CCDC88A: variants seen among roughly 807,000 people sequenced by gnomAD.
The protein encoded by CCDC88A is girdin.
Under a neutral mutation model 234.3 loss-of-function variants are expected in CCDC88A, and 54 were observed. The observed-to-expected ratio is 0.23, with a 90% CI of 0.19 to 0.29. The LOEUF (loss-of-function observed/expected upper bound fraction) is 0.29. Among genes scored for constraint, CCDC88A ranks in the 10% least tolerant of loss-of-function variants. The probability of loss-of-function intolerance (pLI) is 1.00; values close to 1 mark genes in which losing one functional copy is unlikely to be tolerated. For missense variants in CCDC88A, 1,832 were observed against 2,123.4 expected (o/e 0.86, Z 2.70); for synonymous variants, 753 against 737.8 (o/e 1.02, Z -0.33).
chr2:55,419,260 A>T lies in CCDC88A; in HGVS notation c.-181T>A. The T allele has an allele frequency of 1.7e-6, 1 of 576,048 alleles. No individual in the cohort carries two copies. Among genetic ancestry groups the T allele is most frequent in the Admixed American group, 3.1e-5 (1 of 31,962 alleles). The allele number at this position is 576,048 out of a possible 1,614,324, so 35.7% of individuals were successfully genotyped here. ...AAACACCCCAGAGTGAAACGAGCCG[A>T]AATCCCAAGAAGTGGCTTCGACGAC... On this transcript the variant is annotated 5_prime_UTR_variant, in exon 1 of 33. Coordinates refer to ENST00000436346, the MANE Select transcript of CCDC88A (RefSeq NM_001365480.1).
Position 55,343,636 on chromosome 2 carries a change from A to T in CCDC88A, c.1333+12T>A, listed in dbSNP as rs749312461. On this transcript the variant is annotated intron_variant, in intron 12 of 32. Transcript: ENST00000436346. ...TTCGATTATCTATTTAAATTAAAAA[A>T]ATTGGGAATACCTTCGGAAAGTTCA... 2.5e-6 allele frequency: 4 copies of T among 1,580,812 alleles called. No homozygotes were observed. Among genetic ancestry groups the T allele is most frequent in the Non-Finnish European group, 3.4e-6 (4 of 1,167,298 alleles).
chr2:55,386,416 A>G (rs1411769302), intron 3 of CCDC88A, among the ~76,000 whole-genome samples: 1 of 127,088 alleles, frequency 7.9e-6, no homozygotes, highest in East Asian at 2.1e-4. Flanking sequence ...CCTGGGCAAC[A>G]TAGTGAGACT....
chr2:55,385,943 G>T (rs1193342257), intron 3 of CCDC88A, among the ~76,000 whole-genome samples: 1 of 150,852 alleles, frequency 6.6e-6, no homozygotes, highest in African/African-American at 2.4e-5. Flanking sequence ...ATCCAGAGAG[G>T]CCAGGCATGG....
chr2:55,408,369 T>C (rs11125568), intron 2 of CCDC88A, among the ~76,000 whole-genome samples: 123,864 of 152,096 alleles, frequency 0.81, 51,401 homozygotes, highest in Admixed American at 0.91. Context: ...AATAAAGCTA[T>C]GACTTGCTGA....
chr2:55,351,362 A>G (rs7560051), intron 8 of CCDC88A, among the ~76,000 whole-genome samples: 150,510 of 152,092 alleles, frequency 0.99, 74,475 homozygotes, highest in East Asian at 1. Context: ...TTTTTCCTCC[A>G]TTTGAGACAG....
At chr2:55,301,403 T>C (rs1351977824) in intron 27 of CCDC88A, 126 bp from the exon 28 acceptor site, 3 of 557,828 alleles carry the variant, frequency 5.4e-6, no homozygotes, top group African/African-American at 2.0e-5. Context: ...TTAACATATT[T>C]CATAGACTCA....
At chr2:55,324,727 C>T (rs191245919) in intron 17 of CCDC88A, among the ~76,000 whole-genome samples, 1 of 152,130 alleles carries the variant, frequency 6.6e-6, no homozygotes, top group East Asian at 1.9e-4. Flanking sequence ...TTCACCACAA[C>T]CTCCACCTCC....
intron 2 of CCDC88A, among the ~76,000 whole-genome samples, chr2:55,393,922 G>GA: frequency 6.6e-6 from 1 of 152,212 alleles, no homozygotes; most frequent in South Asian, 2.1e-4. Context: ...TTCAATGTCT[G>GA]AATGGGTGCT....
intron 5 of CCDC88A, among the ~76,000 whole-genome samples, chr2:55,368,778 T>A (rs1362663184): frequency 6.6e-6 from 1 of 152,210 alleles, no homozygotes; most frequent in East Asian, 1.9e-4. Context: ...AACATGCTAT[T>A]TACATATTAG....
rs1285684832 is a variant in CCDC88A, at chr2:55,287,949, T to A, written c.*3251A>T. ...GAGAAACAAAATGAAAAATGTTTTTTAAAAAACAAACAGTGGTATCTCTTG... is the reference window on the plus strand; with the variant it reads ...GAGAAACAAAATGAAAAATGTTTTTAAAAAAACAAACAGTGGTATCTCTTG... On this transcript the variant is annotated 3_prime_UTR_variant, in exon 33 of 33. Coordinates refer to ENST00000436346, the MANE Select transcript of CCDC88A (RefSeq NM_001365480.1). 1 of 152,612 alleles carries A rather than the reference T, an allele frequency of 6.6e-6. No homozygotes were observed. The highest frequency in any genetic ancestry group is 2.4e-5 in the African/African-American group (1 of 41,456). The allele number at this position is 152,612 out of a possible 1,614,324, so 9.5% of individuals were successfully genotyped here. A position where few individuals can be genotyped will look rare whatever the true frequency, so the allele number is the denominator to read the frequency against.
chr2:55,373,491 T>C (rs1011877864), intron 4 of CCDC88A, among the ~76,000 whole-genome samples: 1 of 152,188 alleles, frequency 6.6e-6, no homozygotes, highest in Non-Finnish European at 1.5e-5. Context: ...GAATAATTAA[T>C]GGCTCCAAAT....
intron 3 of CCDC88A, among the ~76,000 whole-genome samples, chr2:55,375,310 T>G (rs567875157): frequency 1.1e-4 from 17 of 151,994 alleles, no homozygotes; most frequent in African/African-American, 4.1e-4. Flanking sequence ...ATCTGAAGTT[T>G]TAGGTGCTAG....
chr2:55,418,095 A>C (rs1681771966), intron 2 of CCDC88A: 1 of 152,152 alleles, frequency 6.6e-6, no homozygotes, highest in African/African-American at 2.4e-5. Flanking sequence ...TCCCATCTCA[A>C]AAGCATACTT....
intron 7 of CCDC88A, among the ~76,000 whole-genome samples, chr2:55,358,262 C>A (rs1040429268): frequency 1.3e-5 from 2 of 152,176 alleles, no homozygotes; most frequent in Admixed American, 1.3e-4. Flanking sequence ...AAAACTTAGG[C>A]TCATATGGAT....
chr2:55,396,215 T>C (rs2104923185), intron 2 of CCDC88A, among the ~76,000 whole-genome samples: 1 of 152,340 alleles, frequency 6.6e-6, no homozygotes, highest in African/African-American at 2.4e-5. Context: ...ATATTTGTAA[T>C]TGGGAGAACA....
intron 4 of CCDC88A, among the ~76,000 whole-genome samples, chr2:55,372,844 T>C (rs1432102037): frequency 1.3e-5 from 2 of 152,214 alleles, no homozygotes; most frequent in Non-Finnish European, 2.9e-5. Flanking sequence ...ATCAGGTTGA[T>C]ACAGGGACAT....
intron 3 of CCDC88A, among the ~76,000 whole-genome samples, chr2:55,387,012 T>C (rs1675756975): frequency 6.6e-6 from 1 of 150,538 alleles, no homozygotes; most frequent in South Asian, 2.1e-4. Flanking sequence ...CAGTCTCTAC[T>C]AAAAATACAA....
At chr2:55,389,775 T>G (rs951655627) in intron 2 of CCDC88A, among the ~76,000 whole-genome samples, 10 of 152,176 alleles carry the variant, frequency 6.6e-5, no homozygotes, top group Admixed American at 3.3e-4. Flanking sequence ...GCACGGTGAC[T>G]CACGCCTATA....
chr2:55,383,328 T>C (rs991604403), intron 3 of CCDC88A, among the ~76,000 whole-genome samples: 1 of 151,922 alleles, frequency 6.6e-6, no homozygotes, highest in South Asian at 2.1e-4. Context: ...AATCAAAATG[T>C]ACTAAAATGG....
Sources: gnomAD v4.1 joint callset for allele counts (sites outside exome capture counted in the v4.1 genomes callset) on GRCh38, gnomAD v4.1.1 for gene constraint, MANE v1.5 for transcripts, NCBI Gene and HGNC (gene_info 2026-07-23, HGNC 2026-07-21) for gene names.